The following SLC6A5 variants were observed in gnomAD, a reference collection of about 807,000 sequenced individuals.
SLC6A5 encodes the protein solute carrier family 6 member 5.
SLC6A5 carries 58 observed loss-of-function variants against 90.5 expected under a neutral mutation model. The observed-to-expected ratio is 0.64, with a 90% CI of 0.52 to 0.80. SLC6A5 has a LOEUF of 0.80. SLC6A5 is among the 30% of genes least tolerant of loss of function. The probability of loss-of-function intolerance (pLI) is 0.00; values close to 1 mark genes in which losing one functional copy is unlikely to be tolerated. For missense variants in SLC6A5, 1,015 were observed against 1,017.6 expected (o/e 1.00, Z 0.03); for synonymous variants, 427 against 401.4 (o/e 1.06, Z -0.76).
Position 20,607,107 on chromosome 11 carries a change from G to A in SLC6A5, c.780G>A (p.Val260=), listed in dbSNP as rs1323254808. The A allele has an allele frequency of 6.2e-7, 1 of 1,614,096 alleles. No homozygotes were observed. The highest frequency in any genetic ancestry group is 2.2e-5 in the East Asian group (1 of 44,864). ...GCCAGTTTGCCAGCCAGGGACCAGT[G>A]TCTGTGTGGAAGGCCATCCCAGCTC... ...SLGQFASQGP[V]SVWKAIPALQ... is the part of the protein sequence containing the mutation. The change falls in exon 4 of 16, where the codon GTG becomes GTA. Residue 260 remains valine, a synonymous_variant. Transcript: ENST00000525748.
chr11:20,655,112 C>A lies in SLC6A5; in HGVS notation c.*244C>A. 1.9e-6 allele frequency: 1 copy of A among 522,794 alleles called. No homozygotes were observed. Among genetic ancestry groups the A allele is most frequent in the South Asian group, 1.9e-5 (1 of 53,804 alleles). 32.4% of individuals were successfully genotyped at this position (522,794 alleles called of 1,614,324 possible). On this transcript the variant is annotated 3_prime_UTR_variant, in exon 16 of 16. Coordinates refer to ENST00000525748, the MANE Select transcript of SLC6A5 (RefSeq NM_004211.5). Reference sequence around the variant, plus strand: ...GTGACTGTTTCTGGTCAGGTTGGTCCCCTGACCACACGTTTTACCCTGCAG... The same window carrying A: ...GTGACTGTTTCTGGTCAGGTTGGTCACCTGACCACACGTTTTACCCTGCAG...
Position 20,645,550 on chromosome 11 carries a change from A to T in SLC6A5, c.1970-1284A>T, listed in dbSNP as rs563214381. Reference sequence around the variant, plus strand: ...TGAAAATGTACAAGGAGTATTCTTGATGGGAGGAGATGTTGGTATGTCCCT... The same window carrying T: ...TGAAAATGTACAAGGAGTATTCTTGTTGGGAGGAGATGTTGGTATGTCCCT... On this transcript the variant is annotated intron_variant, in intron 13 of 15. Transcript: ENST00000525748. Among the ~76,000 whole-genome samples, 4 of 149,476 alleles carry T rather than the reference A, an allele frequency of 2.7e-5. No homozygotes were observed. The East Asian group carries it at 8.3e-4, about 31-fold the overall frequency.
rs1388155240 is a variant in SLC6A5 at position 20,654,765 on chromosome 11, A to T, written c.2291A>T (p.Gln764Leu). Residue 764 changes from glutamine (Q) to leucine (L), a missense_variant, in exon 16 of 16, where the codon CAA becomes CTA. Transcript: ENST00000525748. ...CCGGACTGGGGCCCATTCTTAGCTC[A>T]ACACCGCGGGGAGCGTTACAAGAAC... ...PQPDWGPFLA[Q>L]HRGERYKNMI... 1.2e-6 allele frequency: 2 copies of T among 1,614,118 alleles called. No homozygotes were observed. Among genetic ancestry groups the T allele is most frequent in the South Asian group, 1.1e-5 (1 of 91,082 alleles).
intron 10 of SLC6A5, among the ~76,000 whole-genome samples, chr11:20,632,779 C>T (rs1039476241): frequency 1.3e-5 from 2 of 152,192 alleles, no homozygotes; most frequent in South Asian, 2.1e-4. Flanking sequence ...CCCACTTCCT[C>T]CTTGCTGGGC....
chr11:20,638,557 T>C lies in SLC6A5; in HGVS notation c.1968T>C (p.Tyr656=), dbSNP rs1565285976. ...AGCTCGTGGGGATCTCTTATGTGTA[T>C]GGTAAGGAAATCACTGTGCCTGTTG... ...IFELVGISYV[Y]GLQRFCEDIE... is the part of the protein sequence containing the mutation. Residue 656 remains tyrosine, a splice_region_variant and synonymous_variant, in exon 13 of 16, where the codon TAT becomes TAC. Transcript: ENST00000525748. The C allele has an allele frequency of 6.3e-7, 1 of 1,582,064 alleles. No homozygotes were observed. The highest frequency in any genetic ancestry group is 8.7e-7 in the Non-Finnish European group (1 of 1,150,956).
At chr11:20,622,353 G>A (rs867540) in intron 7 of SLC6A5, among the ~76,000 whole-genome samples, 92,128 of 152,054 alleles carry the variant, frequency 0.61, 28,135 homozygotes, top group South Asian at 0.75. Context: ...ATTGAGAGGC[G>A]CTCACTCTCA....
chr11:20,632,335 G>A (rs893080256), intron 10 of SLC6A5, among the ~76,000 whole-genome samples: 1 of 152,196 alleles, frequency 6.6e-6, no homozygotes, highest in Non-Finnish European at 1.5e-5. Context: ...TGTGGGCCAG[G>A]TTAGTAAATG....
intron 1 of SLC6A5, 65 bp downstream of exon 1, chr11:20,599,740 T>A (rs1852421868): frequency 6.3e-7 from 1 of 1,598,656 alleles, no homozygotes; most frequent in Non-Finnish European, 8.6e-7. Context: ...AGCAGATTCG[T>A]TTTGGCTATT....
intron 3 of SLC6A5, among the ~76,000 whole-genome samples, chr11:20,605,948 G>C (rs1472322376): frequency 6.6e-6 from 1 of 152,218 alleles, no homozygotes; most frequent in Non-Finnish European, 1.5e-5. Flanking sequence ...GCCCCGGGCA[G>C]GAAAGGCCCT....
In SLC6A5 at chr11:20,656,581, C is replaced by T. The variant is rs1283948050; in HGVS notation, c.*1713C>T. 3 of 152,126 alleles carry T rather than the reference C, an allele frequency of 2.0e-5. No homozygotes were observed. Among genetic ancestry groups the T allele is most frequent in the African/African-American group, 7.2e-5 (3 of 41,434 alleles). The allele number at this position is 152,126 out of a possible 1,614,324, so 9.4% of individuals were successfully genotyped here. On this transcript the variant is annotated 3_prime_UTR_variant, in exon 16 of 16. Transcript: ENST00000525748. ...TTACTGAGCTCTCCCTTTTCTAGGGCAAGTATCATCGCCATTTGCCAACAT... is the reference window on the plus strand; with the variant it reads ...TTACTGAGCTCTCCCTTTTCTAGGGTAAGTATCATCGCCATTTGCCAACAT...
At chr11:20,652,167 C>T in intron 14 of SLC6A5, 122 bp from the exon 15 acceptor site, 2 of 890,272 alleles carry the variant, frequency 2.2e-6, no homozygotes, top group Non-Finnish European at 3.7e-6. Context: ...TAATACTACT[C>T]TTTCGTGGGT....
intron 13 of SLC6A5, among the ~76,000 whole-genome samples, chr11:20,639,695 A>G (rs1016382089): frequency 1.3e-5 from 2 of 152,176 alleles, no homozygotes; most frequent in Non-Finnish European, 2.9e-5. Context: ...ACTCATTAAA[A>G]TAAAGGGGGT....
In SLC6A5 at chr11:20,638,490, C is replaced by A. The variant is rs1469213893; in HGVS notation, c.1901C>A (p.Thr634Asn). Residue 634 changes from threonine to asparagine, a missense_variant, in exon 13 of 16, where the codon ACC becomes AAC. Around this residue, in one of 3 missense-constraint regions of SLC6A5, gnomAD observed 442 missense variants for 494.3 expected, o/e 0.89. Coordinates refer to ENST00000525748, the MANE Select transcript of SLC6A5 (RefSeq NM_004211.5). ...ATTTACATGTTTCAGCTTGTGGACA[C>A]CTATGCTGCCTCCTATGCCCTTGTC... ...GGIYMFQLVD[T>N]YAASYALVII... 2.5e-6 allele frequency: 4 copies of A among 1,613,092 alleles called. No homozygotes were observed. The African/African-American group carries it at 5.3e-5, about 22-fold the overall frequency.
At position 20,659,074 on chromosome 11, in the gene SLC6A5, T is replaced by TAC. The variant is rs1394674981; in HGVS notation, c.*4207_*4208insCA. 6.7e-6 allele frequency: 1 copy of TAC among 148,592 alleles called. No homozygotes were observed. The highest frequency in any genetic ancestry group is 1.5e-5 in the Non-Finnish European group (1 of 67,316). 9.2% of individuals were successfully genotyped at this position (148,592 alleles called of 1,614,324 possible). On this transcript the variant is annotated 3_prime_UTR_variant, in exon 16 of 16. Transcript: ENST00000525748. ...TGCATCATATATATATATATATATA[T>TAC]ATATATATCTTATAGATTACATATT...
rs1031672031 is a variant in SLC6A5, at chr11:20,627,440, G to C, written c.1396-540G>C. Among the ~76,000 whole-genome samples, 10 of 152,286 alleles carry C rather than the reference G, an allele frequency of 6.6e-5. No individual in the cohort carries two copies. In the South Asian group the frequency reaches 2.1e-3, roughly 32 times the overall value. Reference sequence around the variant, plus strand: ...TGCTTTTCCAGGATGTGTTAAGATTGCATAGCTAGGATTGAGTTTGATTGC... The same window carrying C: ...TGCTTTTCCAGGATGTGTTAAGATTCCATAGCTAGGATTGAGTTTGATTGC... On this transcript the variant is annotated intron_variant, in intron 8 of 15. Coordinates refer to ENST00000525748, the MANE Select transcript of SLC6A5 (RefSeq NM_004211.5).
Position 20,607,480 on chromosome 11 carries a change from C to T in SLC6A5, c.813C>T (p.Gly271=), listed in dbSNP as rs1401531960. 10 of 1,614,006 alleles carry T rather than the reference C, an allele frequency of 6.2e-6. No homozygotes were observed. The highest frequency in any genetic ancestry group is 8.5e-6 in the Non-Finnish European group (10 of 1,180,000). ...SVWKAIPALQ[G]CGIAMLIISV... Reference sequence around the variant, plus strand: ...CCCCTGGAATTTTTGCTTCTGCAGGCTGTGGCATCGCGATGCTGATCATCT... The same window carrying T: ...CCCCTGGAATTTTTGCTTCTGCAGGTTGTGGCATCGCGATGCTGATCATCT... Residue 271 remains glycine (G), a splice_region_variant and synonymous_variant, in exon 5 of 16, where the codon GGC becomes GGT. Coordinates refer to ENST00000525748, the MANE Select transcript of SLC6A5 (RefSeq NM_004211.5).
At chr11:20,613,823 C>T (rs1162932946) in intron 5 of SLC6A5, among the ~76,000 whole-genome samples, 2 of 152,136 alleles carry the variant, frequency 1.3e-5, no homozygotes, top group East Asian at 3.9e-4. Context: ...TCATGCCTGG[C>T]TAAGGGACTG....
In SLC6A5 at chr11:20,656,301, T is replaced by C. The variant is rs1042480232; in HGVS notation, c.*1433T>C. The C allele has an allele frequency of 6.6e-6, 1 of 152,208 alleles. No individual in the cohort carries two copies. The highest frequency in any genetic ancestry group is 1.5e-5 in the Non-Finnish European group (1 of 68,044). The allele number at this position is 152,208 out of a possible 1,614,324, so 9.4% of individuals were successfully genotyped here. ...TGTAGAGATGGTGAGTTTAGTATAG[T>C]GTAGTCTGGGGATTTTATTTTCCCT... On this transcript the variant is annotated 3_prime_UTR_variant, in exon 16 of 16. Transcript: ENST00000525748.
At chr11:20,623,704 C>G (rs1590167043) in intron 7 of SLC6A5, among the ~76,000 whole-genome samples, 1 of 152,086 alleles carries the variant, frequency 6.6e-6, no homozygotes, top group Admixed American at 6.6e-5. Flanking sequence ...TGTGCCCCCT[C>G]TCTTGCCACA....
Sources: gnomAD v4.1 joint callset for allele counts (sites outside exome capture counted in the v4.1 genomes callset) on GRCh38, gnomAD v4.1.1 for gene constraint, gnomAD v4.1.1 regional missense constraint, MANE v1.5 for transcripts, NCBI Gene and HGNC (gene_info 2026-07-23, HGNC 2026-07-21) for gene names.